The following ZBTB44 variants were observed in gnomAD, a reference collection of about 807,000 sequenced individuals.
ZBTB44 encodes zinc finger and BTB domain containing 44, also known as zinc finger and BTB domain-containing protein 44.
Under a neutral mutation model 54.0 loss-of-function variants are expected in ZBTB44, and 15 were observed. The ratio of observed to expected loss-of-function variants is 0.28; its 90% confidence interval spans 0.19 to 0.43. ZBTB44 has a LOEUF of 0.43. Ranked by LOEUF, ZBTB44 falls within the 20% of genes least tolerant of loss-of-function variation. ZBTB44 has a pLI of 1.00. For missense variants in ZBTB44, 487 were observed against 707.1 expected, an observed-to-expected ratio of 0.69 and a Z score of 3.53; for synonymous variants, 230 against 250.1, an observed-to-expected ratio of 0.92 and a Z score of 0.76.
intron 1 of ZBTB44, among the ~76,000 whole-genome samples, chr11:130,287,475 G>A (rs1305658997): frequency 6.6e-6 from 1 of 152,134 alleles, no homozygotes; most frequent in Non-Finnish European, 1.5e-5. Flanking sequence ...AATCCAGCAT[G>A]TTCGATAAGC....
intron 1 of ZBTB44, among the ~76,000 whole-genome samples, chr11:130,278,295 TAA>T: frequency 6.6e-6 from 1 of 152,316 alleles, no homozygotes; most frequent in South Asian, 2.1e-4. Flanking sequence ...TATTTTTAAA[TAA>T]AGTGTTCAGT....
At chr11:130,244,362 ATAT>A (rs1954535451) in intron 2 of ZBTB44, among the ~76,000 whole-genome samples, 2 of 152,120 alleles carry the variant, frequency 1.3e-5, no homozygotes, top group Non-Finnish European at 2.9e-5. Context: ...TTTGGTTATA[ATAT>A]TTTAATGAAA....
intron 1 of ZBTB44, chr11:130,297,046 T>C: frequency 3.0e-6 from 2 of 676,784 alleles, no homozygotes; most frequent in Non-Finnish European, 5.4e-6. Flanking sequence ...AGCAGGCAGC[T>C]CTCTCATTGA....
intron 1 of ZBTB44, among the ~76,000 whole-genome samples, 185 bp from the exon 2 acceptor site, chr11:130,262,114 T>G (rs913388153): frequency 1.3e-5 from 2 of 152,084 alleles, no homozygotes; most frequent in Non-Finnish European, 2.9e-5. Flanking sequence ...GTCCAATCAG[T>G]GAAGTCTGTG....
intron 1 of ZBTB44, among the ~76,000 whole-genome samples, chr11:130,279,580 G>C (rs1039115636): frequency 2.2e-4 from 34 of 152,100 alleles, no homozygotes; most frequent in Non-Finnish European, 4.4e-5. Flanking sequence ...AATCGCTCGA[G>C]TCCAGGAGGT....
chr11:130,295,547 A>T, intron 1 of ZBTB44: 1 of 704,714 alleles, frequency 1.4e-6, no homozygotes, highest in Non-Finnish European at 2.6e-6. Context: ...TGAGGTGCCC[A>T]GCCTGCCCCT....
chr11:130,229,952 A>ATACTTTG lies in ZBTB44; in HGVS notation c.*1811_*1812insCAAAGTA, dbSNP rs1953815491. The ATACTTTG allele has an allele frequency of 6.6e-5, 10 of 152,124 alleles. No homozygotes were observed. The highest frequency in any genetic ancestry group is 6.5e-4 in the Admixed American group (10 of 15,274). 9.4% of individuals were successfully genotyped at this position (152,124 alleles called of 1,614,324 possible). A position where few individuals can be genotyped will look rare whatever the true frequency, so the allele number is the denominator to read the frequency against. On this transcript the variant is annotated 3_prime_UTR_variant, in exon 8 of 8. Coordinates refer to ENST00000357899, the MANE Select transcript of ZBTB44 (RefSeq NM_001301098.2). ...TCACTTGGATGTGTATTTCAGAATT[A>ATACTTTG]CAGCTTCATACTTTGCAGATGACTG...
intron 2 of ZBTB44, among the ~76,000 whole-genome samples, chr11:130,260,528 G>C (rs1938786343): frequency 1.3e-5 from 2 of 152,086 alleles, no homozygotes; most frequent in African/African-American, 2.4e-5. Context: ...TTTTCTTTAT[G>C]TATCATAAAT....
At chr11:130,238,104 A>G (rs1407560097) in intron 4 of ZBTB44, among the ~76,000 whole-genome samples, 1 of 152,236 alleles carries the variant, frequency 6.6e-6, no homozygotes, top group East Asian at 1.9e-4. Context: ...AGAACAGCAC[A>G]AAGAACACCC....
In ZBTB44 at chr11:130,261,366, C is replaced by T. The variant is rs770042524; in HGVS notation, c.508G>A (p.Val170Ile). The T allele has an allele frequency of 1.2e-6, 2 of 1,613,956 alleles. No individual in the cohort carries two copies. Among genetic ancestry groups the T allele is most frequent in the Non-Finnish European group, 1.7e-6 (2 of 1,179,892 alleles). The part of the protein sequence containing the change: ...ISPVSSECSV[V>I]ERTIPVCRES... ...CGGCAGACAGGAATGGTTCTTTCTACCACACTGCACTCTGAGGACACGGGA... is the reference window on the plus strand; with the variant it reads ...CGGCAGACAGGAATGGTTCTTTCTATCACACTGCACTCTGAGGACACGGGA... The change falls in exon 2 of 8, where the codon GTA becomes ATA. Residue 170 changes from valine (V) to isoleucine (I), a missense_variant. Physicochemically the swap from Val to Ile is conservative, Grantham distance 29 (BLOSUM62 3). This residue lies in a region of ZBTB44 where 277 missense variants were observed against 306.5 expected (regional missense o/e 0.90). Coordinates refer to ENST00000357899, the MANE Select transcript of ZBTB44 (RefSeq NM_001301098.2). This position sits in a 1 kb window ranked among gnomAD's most constrained non-coding sequence, Gnocchi z 4.8.
intron 1 of ZBTB44, among the ~76,000 whole-genome samples, chr11:130,311,007 T>A (rs935305657): frequency 6.6e-6 from 1 of 152,182 alleles, no homozygotes; most frequent in African/African-American, 2.4e-5. Context: ...ATGAACCATA[T>A]CAAATTGGTA....
intron 1 of ZBTB44, among the ~76,000 whole-genome samples, chr11:130,280,265 C>G (rs1198355024): frequency 6.6e-6 from 1 of 152,058 alleles, no homozygotes; most frequent in Non-Finnish European, 1.5e-5. Context: ...AAGAGAAAAA[C>G]CATGATCTCA....
rs60251959 is a variant in ZBTB44, at chr11:130,230,413, G to GTTTTTTTTTTTT, written c.*1339_*1350dup. The GTTTTTTTTTTTT allele has an allele frequency of 9.5e-6, 1 of 105,414 alleles. No individual in the cohort carries two copies. Among genetic ancestry groups the GTTTTTTTTTTTT allele is most frequent in the Admixed American group, 1.2e-4 (1 of 8,670 alleles). The allele number at this position is 105,414 out of a possible 1,614,324, so 6.5% of individuals were successfully genotyped here. ...GGCAAAGTATTTTAACAAGATGAAAGTTTTTTTTTTTTTTTTTTTTTGCTA... is the reference window on the plus strand; with the variant it reads ...GGCAAAGTATTTTAACAAGATGAAAGTTTTTTTTTTTTTTTTTTTTTTTTTTTTTTTTTGCTA... On this transcript the variant is annotated 3_prime_UTR_variant, in exon 8 of 8. Transcript: ENST00000357899.
intron 4 of ZBTB44, among the ~76,000 whole-genome samples, chr11:130,237,436 A>G (rs371308748): frequency 6.6e-6 from 1 of 152,348 alleles, no homozygotes; most frequent in African/African-American, 2.4e-5. Flanking sequence ...CTAACAGCAC[A>G]TATTATTTCA....
intron 2 of ZBTB44, among the ~76,000 whole-genome samples, chr11:130,240,204 GC>G (rs1954301915): frequency 6.6e-6 from 1 of 151,974 alleles, no homozygotes; most frequent in South Asian, 2.1e-4. Context: ...ACCACGCCCG[GC>G]TCATTTTTTG....
intron 1 of ZBTB44, among the ~76,000 whole-genome samples, chr11:130,271,357 T>A (rs1246259593): frequency 6.6e-6 from 1 of 152,158 alleles, no homozygotes; most frequent in East Asian, 1.9e-4. Flanking sequence ...AACTCATGGG[T>A]CCTTAGAGAA....
chr11:130,238,002 G>T (rs1362428867), intron 4 of ZBTB44, among the ~76,000 whole-genome samples: 1 of 152,218 alleles, frequency 6.6e-6, no homozygotes, highest in African/African-American at 2.4e-5. Flanking sequence ...ATTTAGGACT[G>T]TAGAATTGAA....
chr11:130,227,221 AAAAC>A lies in ZBTB44; in HGVS notation c.*4539_*4542del, dbSNP rs1422442804. On this transcript the variant is annotated 3_prime_UTR_variant, in exon 8 of 8. Transcript: ENST00000357899. ...GATATTGTATACATTTTTTGGAAATAAAACAAAATCCAAAACCATTTTTGTTATT... is the reference window on the plus strand; with the variant it reads ...GATATTGTATACATTTTTTGGAAATAAAAATCCAAAACCATTTTTGTTATT... 6.6e-6 allele frequency: 1 copy of A among 150,988 alleles called. No individual in the cohort carries two copies. Among genetic ancestry groups the A allele is most frequent in the East Asian group, 1.9e-4 (1 of 5,194 alleles). 9.4% of individuals were successfully genotyped at this position (150,988 alleles called of 1,614,324 possible).
intron 3 of ZBTB44, chr11:130,239,492 G>A (rs752172234): frequency 3.2e-5 from 8 of 249,316 alleles, no homozygotes; most frequent in Admixed American, 1.5e-4. Context: ...GTCAGCAAAT[G>A]AGCCTGGTTG....
Sources: allele counts gnomAD v4.1 joint callset (sites outside exome capture counted in the v4.1 genomes callset), GRCh38; gene constraint gnomAD v4.1.1; regional missense constraint gnomAD v4.1.1; non-coding constraint Gnocchi (gnomAD v3.1); transcripts MANE v1.5; gene names NCBI Gene and HGNC (gene_info 2026-07-23, HGNC 2026-07-21).